Variants in DAPK1 observed in about 807,000 individuals in gnomAD.
The protein encoded by DAPK1 is death associated protein kinase 1.
A neutral mutation model predicts 144.9 loss-of-function variants in DAPK1; 56 were observed. The observed-to-expected ratio is 0.39, with a 90% CI of 0.31 to 0.48. The LOEUF (loss-of-function observed/expected upper bound fraction) is 0.48. DAPK1 is among the 20% of genes least tolerant of loss of function. The pLI is 0.95. For missense variants in DAPK1, 1,454 were observed against 1,875.4 expected (o/e 0.78, Z 4.15); for synonymous variants, 690 against 749.0 (o/e 0.92, Z 1.29).
At chr9:87,654,926 A>G (rs36214392) in intron 17 of DAPK1, among the ~76,000 whole-genome samples, 13,106 of 152,134 alleles carry the variant, frequency 0.086, 1,917 homozygotes, top group African/African-American at 0.3. Context: ...TCTTCAAAAA[A>G]TCCACAAGAC....
chr9:87,547,258 G>C (rs1826284118), intron 2 of DAPK1, among the ~76,000 whole-genome samples: 1 of 152,006 alleles, frequency 6.6e-6, no homozygotes, highest in African/African-American at 2.4e-5. Flanking sequence ...TTGTATTAAT[G>C]ATGATGATGA....
intron 3 of DAPK1, 37 bp from the exon 4 acceptor site, chr9:87,637,906 G>A: frequency 1.2e-6 from 2 of 1,605,386 alleles, no homozygotes; most frequent in Non-Finnish European, 1.7e-6. Flanking sequence ...ATATGAAACA[G>A]AGTTGTTACC....
Position 87,577,623 on chromosome 9 carries a change from C to T in DAPK1, c.63-27331C>T, listed in dbSNP as rs568644492. Among the ~76,000 whole-genome samples, 3 of 152,216 alleles carry T rather than the reference C, an allele frequency of 2.0e-5. No individual in the cohort carries two copies. The East Asian group carries it at 5.8e-4, about 29-fold the overall frequency. The stretch of plus-strand genomic sequence containing the variant: ...GACCGTCCTGGCCAACATGGTGAAA[C>T]CCCGTCTCTACTAAAAATACAAAAG... On this transcript the variant is annotated intron_variant, in intron 2 of 25. Transcript: ENST00000408954.
At chr9:87,693,432 C>A (rs1825146158) in intron 21 of DAPK1, among the ~76,000 whole-genome samples, 1 of 151,674 alleles carries the variant, frequency 6.6e-6, no homozygotes, top group Non-Finnish European at 1.5e-5. Context: ...TATTTTGATT[C>A]TTTGGTAAAC....
At chr9:87,508,648 G>T (rs1192506324) in intron 2 of DAPK1, among the ~76,000 whole-genome samples, 1 of 152,144 alleles carries the variant, frequency 6.6e-6, no homozygotes, top group Non-Finnish European at 1.5e-5. Context: ...GGCCACGATT[G>T]TCAGGATTTT....
At chr9:87,570,264 G>A (rs771417669) in intron 2 of DAPK1, among the ~76,000 whole-genome samples, 2 of 152,100 alleles carry the variant, frequency 1.3e-5, no homozygotes, top group Non-Finnish European at 2.9e-5. Flanking sequence ...TTCTTACTCT[G>A]TTTATGCCTC....
At chr9:87,585,659 A>C (rs78497580) in intron 2 of DAPK1, among the ~76,000 whole-genome samples, 1 of 152,222 alleles carries the variant, frequency 6.6e-6, no homozygotes, top group Non-Finnish European at 1.5e-5. Context: ...CTTCACAACT[A>C]TCTCTTCTGG....
At position 87,706,066 on chromosome 9, in the gene DAPK1, C is replaced by CT. The variant is rs1427180370; in HGVS notation, c.3061-65dup. 1.3e-5 allele frequency: 16 copies of CT among 1,251,324 alleles called. No homozygotes were observed. The highest frequency in any genetic ancestry group is 3.9e-5 in the Admixed American group (2 of 50,854). The allele number at this position is 1,251,324 out of a possible 1,614,324, so 77.5% of individuals were successfully genotyped here. ...TGCCGGCATCAGGCCCTTTAGTGCT[C>CT]TAAGTGGCTGGTGCACCTGGCCAGG... On this transcript the variant is annotated intron_variant, in intron 25 of 25. Coordinates refer to ENST00000408954, the MANE Select transcript of DAPK1 (RefSeq NM_004938.4). This position sits in a 1 kb window ranked among gnomAD's most constrained non-coding sequence, Gnocchi z 9.0.
chr9:87,606,640 C>T (rs1471330588), intron 3 of DAPK1, among the ~76,000 whole-genome samples: 1 of 120,460 alleles, frequency 8.3e-6, no homozygotes, highest in African/African-American at 3.1e-5. Context: ...TTTCTCCCTC[C>T]CTCCATCTCT....
rs113099963 is a variant in DAPK1, at chr9:87,556,018, A to G, written c.63-48936A>G. On this transcript the variant is annotated intron_variant, in intron 2 of 25. Transcript: ENST00000408954. ...AAAAAGACGAATGAGAAAATGAGGT[A>G]TTATGAAGGAAGAAGCAAGAGTAAA... Among the ~76,000 whole-genome samples, 53 of 152,342 alleles carry G rather than the reference A, an allele frequency of 3.5e-4. No homozygotes were observed. The East Asian group carries it at 4.6e-3, about 13-fold the overall frequency.
Position 87,708,004 on chromosome 9 carries a change from G to A in DAPK1, c.*640G>A, listed in dbSNP as rs1440683525. Reference sequence around the variant, plus strand: ...CTGTATGCTGATCATCGCCAGAGGTGCTTCACCCTGAGTTTTGTTTTGTAT... The same window carrying A: ...CTGTATGCTGATCATCGCCAGAGGTACTTCACCCTGAGTTTTGTTTTGTAT... On this transcript the variant is annotated 3_prime_UTR_variant, in exon 26 of 26. Transcript: ENST00000408954. 2 of 340,756 alleles carry A rather than the reference G, an allele frequency of 5.9e-6. No individual in the cohort carries two copies. Among genetic ancestry groups the A allele is most frequent in the African/African-American group, 2.2e-5 (1 of 45,836 alleles). The allele number at this position is 340,756 out of a possible 1,614,324, so 21.1% of individuals were successfully genotyped here.
At chr9:87,500,800 G>A (rs955693923) in intron 2 of DAPK1, among the ~76,000 whole-genome samples, 8 of 152,016 alleles carry the variant, frequency 5.3e-5, no homozygotes. Context: ...TGTGTATAAC[G>A]TTCTCCCCAC....
chr9:87,561,023 G>A (rs1826896431), intron 2 of DAPK1, among the ~76,000 whole-genome samples: 1 of 152,150 alleles, frequency 6.6e-6, no homozygotes, highest in African/African-American at 2.4e-5. Flanking sequence ...TAAATCTCAT[G>A]TCATGTAGTC....
chr9:87,667,559 G>T (rs1831100708), intron 18 of DAPK1, among the ~76,000 whole-genome samples: 1 of 152,214 alleles, frequency 6.6e-6, no homozygotes, highest in Admixed American at 6.5e-5. Context: ...AACAGTGTCT[G>T]AATGGGACCC....
At chr9:87,601,178 T>A (rs767530536) in intron 2 of DAPK1, among the ~76,000 whole-genome samples, 1 of 152,180 alleles carries the variant, frequency 6.6e-6, no homozygotes, top group Non-Finnish European at 1.5e-5. Flanking sequence ...AAATTAGACC[T>A]CACAAAGCAA....
At chr9:87,502,163 G>T (rs1824428065) in intron 2 of DAPK1, among the ~76,000 whole-genome samples, 1 of 152,048 alleles carries the variant, frequency 6.6e-6, no homozygotes, top group African/African-American at 2.4e-5. Context: ...TATAGGAAAA[G>T]GGTCATGGGG....
intron 2 of DAPK1, among the ~76,000 whole-genome samples, chr9:87,544,214 A>G (rs538912660): frequency 6.6e-6 from 1 of 152,200 alleles, no homozygotes; most frequent in Non-Finnish European, 1.5e-5. Context: ...AAATTTTCAT[A>G]CATGAATAAG....
chr9:87,536,377 C>T (rs889719899), intron 2 of DAPK1, among the ~76,000 whole-genome samples: 2 of 152,074 alleles, frequency 1.3e-5, no homozygotes, highest in Admixed American at 6.5e-5. Flanking sequence ...GCATGTGACC[C>T]ATGTGGTTTA....
chr9:87,592,082 G>C (rs776589890), intron 2 of DAPK1, among the ~76,000 whole-genome samples: 3 of 152,202 alleles, frequency 2.0e-5, no homozygotes, highest in Non-Finnish European at 4.4e-5. Flanking sequence ...AGGCCAGGCT[G>C]TCTGACCTCA....
Sources: allele counts gnomAD v4.1 joint callset (sites outside exome capture counted in the v4.1 genomes callset), GRCh38; gene constraint gnomAD v4.1.1; non-coding constraint Gnocchi (gnomAD v3.1); transcripts MANE v1.5; gene names NCBI Gene and HGNC (gene_info 2026-07-23, HGNC 2026-07-21).